CTNNA2: variants seen among roughly 807,000 people sequenced by gnomAD.
CTNNA2 encodes the protein catenin alpha-2.
CTNNA2 carries 42 observed loss-of-function variants against 101.0 expected under a neutral mutation model. The ratio of observed to expected loss-of-function variants is 0.42; its 90% CI spans 0.32 to 0.54. The LOEUF is 0.54. CTNNA2 is among the 20% of genes least tolerant of loss of function. The pLI is 0.14. For missense variants in CTNNA2, 871 were observed against 1,223.1 expected, an observed-to-expected ratio of 0.71 and a Z score of 4.29; for synonymous variants, 450 against 456.4, an observed-to-expected ratio of 0.99 and a Z score of 0.18.
chr2:80,466,803 A>G (rs1176073496), intron 9 of CTNNA2, among the ~76,000 whole-genome samples: 1 of 152,248 alleles, frequency 6.6e-6, no homozygotes, highest in African/African-American at 2.4e-5. Context: ...AAATAAGATT[A>G]TAAATTTGGG....
chr2:79,899,094 A>G (rs1205618778), intron 6 of CTNNA2, among the ~76,000 whole-genome samples: 2 of 152,204 alleles, frequency 1.3e-5, no homozygotes, highest in Non-Finnish European at 2.9e-5. Flanking sequence ...CAAAACACAC[A>G]GAGCTCAAAG....
At chr2:80,292,377 T>C (rs1675336245) in intron 7 of CTNNA2, among the ~76,000 whole-genome samples, 1 of 152,112 alleles carries the variant, frequency 6.6e-6, no homozygotes. Flanking sequence ...GTGTCTCCCT[T>C]GACACATCCT....
chr2:79,463,754 G>A (rs1420634758), intron 4 of CTNNA2, among the ~76,000 whole-genome samples: 1 of 152,154 alleles, frequency 6.6e-6, no homozygotes, highest in Non-Finnish European at 1.5e-5. Flanking sequence ...GAGTGGAAGG[G>A]GTGCCATTAC....
chr2:80,648,086 G>T lies in CTNNA2; in HGVS notation c.*214G>T. On this transcript the variant is annotated 3_prime_UTR_variant, in exon 19 of 19. Transcript: ENST00000402739. ...GACAGGACATTCCTGTACTAAGGTGGCACAGAGCTGTCCTTTGCAACATTC... is the reference window on the plus strand; with the variant it reads ...GACAGGACATTCCTGTACTAAGGTGTCACAGAGCTGTCCTTTGCAACATTC... The T allele has an allele frequency of 2.3e-6, 1 of 433,460 alleles. No individual in the cohort carries two copies. Among genetic ancestry groups the T allele is most frequent in the Non-Finnish European group, 4.1e-6 (1 of 243,506 alleles). The allele number at this position is 433,460 out of a possible 1,614,324, so 26.9% of individuals were successfully genotyped here.
chr2:80,360,808 C>T (rs920089742), intron 7 of CTNNA2, among the ~76,000 whole-genome samples: 1 of 152,166 alleles, frequency 6.6e-6, no homozygotes, highest in South Asian at 2.1e-4. Flanking sequence ...GATAAGATTT[C>T]TCATGTCATG....
At chr2:79,832,041 TA>T (rs1332230135) in intron 3 of CTNNA2, among the ~76,000 whole-genome samples, 1 of 152,214 alleles carries the variant, frequency 6.6e-6, no homozygotes, top group African/African-American at 2.4e-5. Flanking sequence ...GGCTCTAAGA[TA>T]AAGTGCCTGC....
chr2:79,701,147 A>G (rs2104756258), intron 2 of CTNNA2, among the ~76,000 whole-genome samples: 1 of 152,272 alleles, frequency 6.6e-6, no homozygotes, highest in South Asian at 2.1e-4. Flanking sequence ...ATTGTGTGTC[A>G]ACCACTATGT....
At chr2:79,366,427 T>C (rs71424877) in intron 3 of CTNNA2, among the ~76,000 whole-genome samples, 1 of 152,174 alleles carries the variant, frequency 6.6e-6, no homozygotes, top group Non-Finnish European at 1.5e-5. Context: ...GTGTGGGTTG[T>C]TTTTTCCTAA....
chr2:79,286,498 C>G (rs1418058381), intron 2 of CTNNA2, among the ~76,000 whole-genome samples: 14 of 150,340 alleles, frequency 9.3e-5, no homozygotes, highest in Non-Finnish European at 1.9e-4. Context: ...TATTTTATTT[C>G]TCCTTCACTT....
rs150265008 is a variant in CTNNA2, at chr2:79,962,355, C to T, written c.1056+52558C>T. 1.1e-3 allele frequency among the ~76,000 whole-genome samples: 172 copies of T among 152,314 alleles called. 3 individuals are homozygous for T. The East Asian group carries it at 0.023, about 20-fold the overall frequency. On this transcript the variant is annotated intron_variant, in intron 7 of 18. Coordinates refer to ENST00000402739, the MANE Select transcript of CTNNA2 (RefSeq NM_001282597.3). The stretch of plus-strand genomic sequence containing the variant: ...AGCCTCTTTTAGGAGGGCATCTAAT[C>T]GTATTATTCATGACCTATTCACCTC...
intron 4 of CTNNA2, among the ~76,000 whole-genome samples, chr2:79,404,299 G>A (rs542644995): frequency 6.6e-6 from 1 of 152,064 alleles, no homozygotes; most frequent in South Asian, 2.1e-4. Flanking sequence ...CTTTCTTTGT[G>A]ACAGCAGATC....
chr2:79,499,084 CAGA>C (rs1671289765), intron 4 of CTNNA2: 1 of 152,104 alleles, frequency 6.6e-6, no homozygotes, highest in Non-Finnish European at 1.5e-5. Context: ...TTTCCTAAGG[CAGA>C]AGAAGTGTTG....
intron 4 of CTNNA2, among the ~76,000 whole-genome samples, chr2:79,448,855 C>G (rs1678859690): frequency 6.6e-6 from 1 of 152,004 alleles, no homozygotes. Flanking sequence ...TCTGTGGATT[C>G]AGACTTGTCT....
intron 2 of CTNNA2, among the ~76,000 whole-genome samples, chr2:79,214,901 C>T (rs191101820): frequency 0.032 from 4,848 of 151,830 alleles, 188 homozygotes; most frequent in East Asian, 0.16. Context: ...GCCGTCAATA[C>T]CCACAACAGT....
At chr2:80,378,958 T>C (rs553542850) in intron 7 of CTNNA2, among the ~76,000 whole-genome samples, 1 of 152,158 alleles carries the variant, frequency 6.6e-6, no homozygotes, top group Admixed American at 6.5e-5. Flanking sequence ...ATCTTGGCTG[T>C]AGAGGATGCT....
chr2:80,269,213 T>G (rs912154399), intron 7 of CTNNA2, among the ~76,000 whole-genome samples: 1 of 152,196 alleles, frequency 6.6e-6, no homozygotes, highest in Non-Finnish European at 1.5e-5. Flanking sequence ...GGCAGGGGTC[T>G]TGTGGGAGGT....
intron 7 of CTNNA2, among the ~76,000 whole-genome samples, chr2:80,161,163 A>T (rs1161183712): frequency 6.6e-6 from 1 of 151,958 alleles, no homozygotes; most frequent in East Asian, 1.9e-4. Context: ...TTACAGGCGC[A>T]TGCCACCACA....
intron 3 of CTNNA2, among the ~76,000 whole-genome samples, chr2:79,793,052 A>C (rs997643621): frequency 3.9e-5 from 6 of 152,168 alleles, no homozygotes; most frequent in Non-Finnish European, 5.9e-5. Context: ...TTTGGATGGT[A>C]TGTATGTTTA....
chr2:80,297,184 T>C (rs1675821650), intron 7 of CTNNA2, among the ~76,000 whole-genome samples: 2 of 152,180 alleles, frequency 1.3e-5, no homozygotes, highest in African/African-American at 4.8e-5. Flanking sequence ...TCAACAAGAA[T>C]GTGTTGAGCA....
Sources: allele counts gnomAD v4.1 joint callset (sites outside exome capture counted in the v4.1 genomes callset), GRCh38; gene constraint gnomAD v4.1.1; transcripts MANE v1.5; gene names NCBI Gene and HGNC (gene_info 2026-07-23, HGNC 2026-07-21).